PPFIA2: variants seen among roughly 807,000 people sequenced by gnomAD.
The protein encoded by PPFIA2 is liprin-alpha-2.
A neutral mutation model predicts 175.5 loss-of-function variants in PPFIA2; 46 were observed. That is an observed-to-expected ratio of 0.26 (90% CI 0.21 to 0.34). The LOEUF (loss-of-function observed/expected upper bound fraction) is 0.34. Ranked by LOEUF, PPFIA2 falls within the 10% of genes least tolerant of loss-of-function variation. PPFIA2 has a pLI of 1.00. For synonymous variants in PPFIA2, 568 were observed against 511.4 expected (o/e 1.11, Z -1.49); for missense variants, 1,179 against 1,506.1 (o/e 0.78, Z 3.60).
At chr12:81,545,368 C>T (rs751487618) in intron 4 of PPFIA2, 5 of 152,080 alleles carry the variant, frequency 3.3e-5, no homozygotes, top group East Asian at 3.9e-4. Context: ...TTGTTGTTCT[C>T]GGGTCAGAGT....
intron 3 of PPFIA2, among the ~76,000 whole-genome samples, chr12:81,725,106 T>A (rs545829967): frequency 6.6e-6 from 1 of 151,092 alleles, no homozygotes; most frequent in Non-Finnish European, 1.5e-5. Flanking sequence ...TTCATACACA[T>A]GTTGCAAATT....
intron 3 of PPFIA2, among the ~76,000 whole-genome samples, chr12:81,680,739 G>C (rs2073463584): frequency 6.6e-6 from 1 of 151,916 alleles, no homozygotes; most frequent in Non-Finnish European, 1.5e-5. Flanking sequence ...GTATGGAATT[G>C]GCTCCTACCT....
chr12:81,740,794 T>C (rs1170605114), intron 3 of PPFIA2, among the ~76,000 whole-genome samples: 3 of 152,122 alleles, frequency 2.0e-5, no homozygotes, highest in East Asian at 1.9e-4. Flanking sequence ...TTTCTGTTGG[T>C]ATCATTCCTT....
intron 3 of PPFIA2, among the ~76,000 whole-genome samples, chr12:81,744,579 T>C (rs892751490): frequency 4.6e-5 from 7 of 152,084 alleles, no homozygotes; most frequent in Non-Finnish European, 1.0e-4. Flanking sequence ...CCTGCTACTA[T>C]GCCCCGCTAA....
intron 3 of PPFIA2, among the ~76,000 whole-genome samples, chr12:81,699,008 C>T (rs1168176820): frequency 2.0e-5 from 3 of 152,030 alleles, no homozygotes; most frequent in African/African-American, 4.8e-5. Flanking sequence ...TTTCTACTAA[C>T]TCAGAAAAGC....
Position 81,462,174 on chromosome 12 carries a change from T to A in PPFIA2, c.304-4308A>T, listed in dbSNP as rs181331923. 5.0e-4 allele frequency among the ~76,000 whole-genome samples: 75 copies of A among 149,454 alleles called. No homozygotes were observed. The East Asian group carries it at 0.013, about 27-fold the overall frequency. On this transcript the variant is annotated intron_variant, in intron 4 of 32. Coordinates refer to ENST00000549396, the MANE Select transcript of PPFIA2 (RefSeq NM_003625.5). ...AACAGATATAATATTCTTTTTTACT[T>A]TGTAGCTGTTGTTTTGTCTATATTG...
chr12:81,659,110 A>C (rs2068312824), intron 4 of PPFIA2, among the ~76,000 whole-genome samples: 2 of 152,212 alleles, frequency 1.3e-5, no homozygotes, highest in South Asian at 4.1e-4. Flanking sequence ...AAATAGGAAC[A>C]GCTCCAGTCT....
At chr12:81,455,654 G>A (rs906446719) in intron 5 of PPFIA2, among the ~76,000 whole-genome samples, 5 of 152,016 alleles carry the variant, frequency 3.3e-5, no homozygotes, top group African/African-American at 4.8e-5. Context: ...AAAATTGTAC[G>A]GATTCTGTCA....
chr12:81,696,164 A>T (rs1421124940), intron 3 of PPFIA2, among the ~76,000 whole-genome samples: 1 of 152,200 alleles, frequency 6.6e-6, no homozygotes, highest in African/African-American at 2.4e-5. Context: ...ACGTAACAAT[A>T]GTACCTGCCT....
intron 21 of PPFIA2, among the ~76,000 whole-genome samples, chr12:81,336,060 T>A (rs1277734697): frequency 1.3e-5 from 2 of 152,178 alleles, no homozygotes; most frequent in Non-Finnish European, 2.9e-5. Context: ...AGTTGGGAAA[T>A]CTTGCTCCTA....
intron 3 of PPFIA2, among the ~76,000 whole-genome samples, chr12:81,680,960 C>T (rs1180668426): frequency 6.6e-6 from 1 of 151,962 alleles, no homozygotes; most frequent in Non-Finnish European, 1.5e-5. Flanking sequence ...ATTTTGTGCC[C>T]TAAGCACCTC....
At chr12:81,364,673 A>G (rs1215893754) in intron 14 of PPFIA2, among the ~76,000 whole-genome samples, 2 of 151,864 alleles carry the variant, frequency 1.3e-5, no homozygotes, top group Non-Finnish European at 2.9e-5. Flanking sequence ...TTGAATTGGG[A>G]GTCAGAAAAG....
chr12:81,727,411 C>T (rs1482008571), intron 3 of PPFIA2, among the ~76,000 whole-genome samples: 1 of 151,290 alleles, frequency 6.6e-6, no homozygotes, highest in Non-Finnish European at 1.5e-5. Flanking sequence ...AAGAAGAAAA[C>T]TTAGAATGAT....
At chr12:81,389,130 T>C (rs564837198) in intron 8 of PPFIA2, among the ~76,000 whole-genome samples, 1 of 145,954 alleles carries the variant, frequency 6.9e-6, no homozygotes, top group African/African-American at 2.6e-5. Flanking sequence ...ATATTTTATA[T>C]ATATATATAT....
chr12:81,550,084 T>C (rs1488463183), intron 4 of PPFIA2, among the ~76,000 whole-genome samples: 3 of 152,104 alleles, frequency 2.0e-5, no homozygotes, highest in Middle Eastern at 3.4e-3. Context: ...CTCAAATAAA[T>C]TGACGAATTA....
intron 4 of PPFIA2, among the ~76,000 whole-genome samples, chr12:81,633,549 A>C (rs985995252): frequency 3.3e-5 from 5 of 152,004 alleles, no homozygotes; most frequent in Non-Finnish European, 2.9e-5. Context: ...ACAGCAAAAA[A>C]AAAATACCCA....
intron 23 of PPFIA2, among the ~76,000 whole-genome samples, chr12:81,295,708 A>T (rs1364194451): frequency 6.6e-6 from 1 of 152,204 alleles, no homozygotes; most frequent in Non-Finnish European, 1.5e-5. Context: ...AGAGATTTTA[A>T]GACTGGGCAC....
intron 3 of PPFIA2, among the ~76,000 whole-genome samples, chr12:81,725,308 A>T (rs551572085): frequency 6.6e-6 from 1 of 151,148 alleles, no homozygotes; most frequent in East Asian, 1.9e-4. Context: ...TAGAAGACAC[A>T]TCAAGAAACA....
intron 9 of PPFIA2, among the ~76,000 whole-genome samples, chr12:81,380,538 A>C (rs199966076): frequency 7.7e-5 from 5 of 64,988 alleles, no homozygotes; most frequent in African/African-American, 4.5e-4. Flanking sequence ...CTGCTTATTG[A>C]AAAAAAAAGA....
Sources: gnomAD v4.1 joint callset for allele counts (sites outside exome capture counted in the v4.1 genomes callset) on GRCh38, gnomAD v4.1.1 for gene constraint, MANE v1.5 for transcripts, NCBI Gene and HGNC (gene_info 2026-07-23, HGNC 2026-07-21) for gene names.